Variants in UBOX5 observed in about 807,000 individuals in gnomAD.
The protein encoded by UBOX5 is U-box domain containing 5.
UBOX5 carries 28 observed loss-of-function variants against 39.0 expected under a neutral mutation model. The ratio of observed to expected loss-of-function variants is 0.72; its 90% confidence interval spans 0.53 to 0.98. The LOEUF is 0.98. Ranked by LOEUF, UBOX5 falls within the 50% of genes least tolerant of loss-of-function variation. The pLI is 0.00. For synonymous variants in UBOX5, 283 were observed against 275.5 expected (o/e 1.03, Z -0.27); for missense variants, 585 against 674.4 (o/e 0.87, Z 1.47).
Position 3,122,332 on chromosome 20 carries a change from C to A in UBOX5, c.307G>T (p.Gly103Cys). 6.2e-7 allele frequency: 1 copy of A among 1,614,170 alleles called. No homozygotes were observed. The highest frequency in any genetic ancestry group is 8.5e-7 in the Non-Finnish European group (1 of 1,180,026). ...SWNTPQCRTL[G>C]PAEPSVPDKE... ...TCTGGGACAGATGGCTCAGCTGGGC[C>A]CAGGGTCCGGCACTGGGGCGTATTC... Residue 103 changes from glycine (G) to cysteine (C), a missense_variant, in exon 3 of 5, where the codon GGC (glycine) becomes TGC (cysteine). By Grantham distance (159) the Gly-to-Cys change is radical (BLOSUM62 -3). Transcript: ENST00000217173.
At chr20:3,135,730 G>A (rs959578888) in intron 1 of UBOX5, among the ~76,000 whole-genome samples, 8 of 151,510 alleles carry the variant, frequency 5.3e-5, no homozygotes, top group East Asian at 1.9e-4. Context: ...ACAAACACAC[G>A]CAATTATTCA....
rs533736670 is a variant in UBOX5, at chr20:3,151,319, C to G, written c.-42+8447G>C. Reference sequence around the variant, plus strand: ...CATGTTTTTGTAAACAAGGTTTTTTCAGAACATAGCTAGGCCATTCATTAT... The same window carrying G: ...CATGTTTTTGTAAACAAGGTTTTTTGAGAACATAGCTAGGCCATTCATTAT... On this transcript the variant is annotated intron_variant, in intron 1 of 4. Transcript: ENST00000217173. Among the ~76,000 whole-genome samples, 15 of 152,298 alleles carry G rather than the reference C, an allele frequency of 9.8e-5. No individual in the cohort carries two copies. The South Asian group carries it at 2.9e-3, about 29-fold the overall frequency.
chr20:3,132,340 A>T (rs2066435968), intron 1 of UBOX5, among the ~76,000 whole-genome samples: 1 of 152,130 alleles, frequency 6.6e-6, no homozygotes, highest in Non-Finnish European at 1.5e-5. Context: ...CAAAACACAA[A>T]GAATTATACA....
intron 1 of UBOX5, among the ~76,000 whole-genome samples, chr20:3,138,330 C>A (rs568534718): frequency 3.3e-5 from 5 of 151,396 alleles, no homozygotes; most frequent in Admixed American, 1.3e-4. Flanking sequence ...TGTTAAAAAT[C>A]TATGTCTAGG....
intron 3 of UBOX5, among the ~76,000 whole-genome samples, chr20:3,119,680 C>A (rs918712021): frequency 2.6e-5 from 4 of 152,124 alleles, no homozygotes; most frequent in African/African-American, 4.8e-5. Flanking sequence ...ATGGTGAAAA[C>A]CTGTCTTTAC....
At chr20:3,117,635 G>T (rs1298284172) in intron 3 of UBOX5, among the ~76,000 whole-genome samples, 1 of 152,042 alleles carries the variant, frequency 6.6e-6, no homozygotes, top group Admixed American at 6.5e-5. Flanking sequence ...AGTGAGCCAA[G>T]ATCGCACAAG....
intron 1 of UBOX5, among the ~76,000 whole-genome samples, chr20:3,135,199 C>G (rs970899823): frequency 4.6e-5 from 7 of 152,058 alleles, no homozygotes; most frequent in African/African-American, 1.7e-4. Context: ...TTGGTCAACT[C>G]AGGGGAAAAT....
rs2066389943 is a variant in UBOX5, at chr20:3,126,525, GAAAAGA to G, written c.-41-3125_-41-3120del. Among the ~76,000 whole-genome samples the G allele has an allele frequency of 2.4e-5, 3 of 123,960 alleles. No individual in the cohort carries two copies. In the South Asian group the frequency reaches 8.1e-4, roughly 34 times the overall value. 81.3% of individuals were successfully genotyped at this position (123,960 alleles called of 152,430 possible). On this transcript the variant is annotated intron_variant, in intron 1 of 4. Transcript: ENST00000217173. Reference sequence around the variant, plus strand: ...TCAATAAATACTAAAAAAAAAAAAAGAAAAGAAAAAGAAAAAAAAAAGAAAGGAAGG... The same window carrying G: ...TCAATAAATACTAAAAAAAAAAAAAGAAAAGAAAAAAAAAAGAAAGGAAGG...
intron 1 of UBOX5, among the ~76,000 whole-genome samples, chr20:3,144,540 G>T (rs957238460): frequency 2.0e-5 from 3 of 152,136 alleles, no homozygotes; most frequent in Non-Finnish European, 4.4e-5. Context: ...AGACATAGGG[G>T]TAAATCTCCC....
chr20:3,150,295 G>A (rs972936547), intron 1 of UBOX5, among the ~76,000 whole-genome samples: 2 of 152,098 alleles, frequency 1.3e-5, no homozygotes, highest in South Asian at 2.1e-4. Context: ...GTCACTTCAC[G>A]GGTGGGAAGC....
rs371547676 is a variant in UBOX5 at position 3,149,765 on chromosome 20, G to A, written c.-42+10001C>T. Among the ~76,000 whole-genome samples, 11 of 152,230 alleles carry A rather than the reference G, an allele frequency of 7.2e-5. No individual in the cohort carries two copies. The South Asian group carries it at 2.3e-3, about 32-fold the overall frequency. On this transcript the variant is annotated intron_variant, in intron 1 of 4. Transcript: ENST00000217173. The surrounding 1 kb of genome is among the most constrained non-coding windows in gnomAD (Gnocchi z 4.1). ...GGTGTGGGTGGCTCATGCCTGTAAT[G>A]CCAGCACTTTGGGAGGCCGAGGCAG...
At position 3,147,624 on chromosome 20, in the gene UBOX5, C is replaced by G. The variant is rs1408757651; in HGVS notation, c.-42+12142G>C. The stretch of plus-strand genomic sequence containing the variant: ...TCAATTAACTCTACTGGAAAGTACT[C>G]CAAAAATGCCAGGCCCAGCAGGCAG... On this transcript the variant is annotated intron_variant, in intron 1 of 4. Transcript: ENST00000217173. 5 of 1,614,074 alleles carry G rather than the reference C, an allele frequency of 3.1e-6. No individual in the cohort carries two copies. The highest frequency in any genetic ancestry group is 3.3e-5 in the Admixed American group (2 of 60,002).
At chr20:3,158,727 A>G (rs1196072457) in intron 1 of UBOX5, among the ~76,000 whole-genome samples, 4 of 150,722 alleles carry the variant, frequency 2.7e-5, no homozygotes, top group African/African-American at 4.9e-5. Context: ...GCCCGCCTTG[A>G]CCTCCCAAAG....
intron 1 of UBOX5, 34 bp from the exon 2 acceptor site, chr20:3,123,440 T>C (rs2066353367): frequency 6.0e-5 from 88 of 1,473,754 alleles, no homozygotes; most frequent in Non-Finnish European, 7.9e-5. Context: ...TATTAGAAAA[T>C]GTAAAATTCA....
intron 1 of UBOX5, among the ~76,000 whole-genome samples, chr20:3,139,858 C>T (rs2066502038): frequency 6.6e-6 from 1 of 151,952 alleles, no homozygotes; most frequent in Non-Finnish European, 1.5e-5. Context: ...TACAGGCATG[C>T]ACCACCACAC....
At chr20:3,152,724 A>G (rs1047735261) in intron 1 of UBOX5, among the ~76,000 whole-genome samples, 1 of 151,938 alleles carries the variant, frequency 6.6e-6, no homozygotes, top group Non-Finnish European at 1.5e-5. Context: ...CCTAGCCAAT[A>G]TGGGGAAACG....
At position 3,122,566 on chromosome 20, in the gene UBOX5, C is replaced by T. The variant is rs374361254; in HGVS notation, c.73G>A (p.Glu25Lys). 29 of 1,590,350 alleles carry T rather than the reference C, an allele frequency of 1.8e-5. No homozygotes were observed. The highest frequency in any genetic ancestry group is 1.7e-4 in the Middle Eastern group (1 of 5,982). Residue 25 changes from glutamate to lysine, a missense_variant, in exon 3 of 5, where the codon GAA (glutamate) becomes AAA (lysine). Transcript: ENST00000217173. ...TCTTCAGAGATGAGATTTTCTACTT[C>T]GTAACCATCAGCTGATATCTAGATT... ...HCNKISADGY[E>K]VENLISEDLT...
chr20:3,131,468 TTTGGTTGTAGCA>T (rs1287866518), intron 1 of UBOX5, among the ~76,000 whole-genome samples: 1 of 152,232 alleles, frequency 6.6e-6, no homozygotes, highest in Non-Finnish European at 1.5e-5. Flanking sequence ...AGAGATTCTA[TTTGGTTGTAGCA>T]TATTGTTCTT....
chr20:3,132,969 A>T (rs1447845446), intron 1 of UBOX5, among the ~76,000 whole-genome samples: 1 of 151,750 alleles, frequency 6.6e-6, no homozygotes, highest in Non-Finnish European at 1.5e-5. Context: ...AAAAAAAAAA[A>T]TTAAATAATT....
Sources: allele counts gnomAD v4.1 joint callset (sites outside exome capture counted in the v4.1 genomes callset), GRCh38; gene constraint gnomAD v4.1.1; non-coding constraint Gnocchi (gnomAD v3.1); transcripts MANE v1.5; gene names NCBI Gene and HGNC (gene_info 2026-07-23, HGNC 2026-07-21).